CLIP1: variants seen among roughly 807,000 people sequenced by gnomAD.
The protein encoded by CLIP1 is CAP-Gly domain containing linker protein 1.
Under a neutral mutation model 161.6 loss-of-function variants are expected in CLIP1, and 66 were observed. The ratio of observed to expected loss-of-function variants is 0.41; its 90% CI spans 0.33 to 0.50. The LOEUF is 0.50. Among genes scored for constraint, CLIP1 ranks in the 20% least tolerant of loss-of-function variants. The pLI, the probability that CLIP1 is intolerant of heterozygous loss-of-function variation, is 0.27. For synonymous variants in CLIP1, 598 were observed against 626.2 expected (o/e 0.96, Z 0.67); for missense variants, 1,376 against 1,702.0 (o/e 0.81, Z 3.37).
chr12:122,396,754 CTTTTTTGTTGTTGTTTATTTTTT>C (rs1421194141), intron 1 of CLIP1: 1 of 151,254 alleles, frequency 6.6e-6, no homozygotes, highest in African/African-American at 2.4e-5. Flanking sequence ...TTCACCAAGA[CTTTTTTGTTGTTGTTTATTTTTT>C]TTTTTTTGAG....
At chr12:122,356,294 G>A (rs1010256865) in intron 5 of CLIP1, 6 of 152,180 alleles carry the variant, frequency 3.9e-5, no homozygotes, top group African/African-American at 1.4e-4. Flanking sequence ...GTGCACTGTA[G>A]GATGTTTTAA....
chr12:122,418,296 T>C (rs569768014), intron 1 of CLIP1, among the ~76,000 whole-genome samples: 50 of 152,164 alleles, frequency 3.3e-4, no homozygotes, highest in Non-Finnish European at 5.6e-4. Context: ...AGGTATACCA[T>C]AGCTCATCAA....
chr12:122,412,722 C>A (rs1359418358), intron 1 of CLIP1, among the ~76,000 whole-genome samples: 1 of 152,126 alleles, frequency 6.6e-6, no homozygotes, highest in Non-Finnish European at 1.5e-5. Flanking sequence ...GCAGTAGCAT[C>A]ATGGATAATT....
At chr12:122,309,529 T>C (rs1950991368) in intron 20 of CLIP1, among the ~76,000 whole-genome samples, 2 of 152,230 alleles carry the variant, frequency 1.3e-5, no homozygotes, top group African/African-American at 4.8e-5. Context: ...TTCTACTTGC[T>C]TGCAAGTTCC....
At chr12:122,392,316 T>C (rs1217389919) in intron 1 of CLIP1, among the ~76,000 whole-genome samples, 1 of 152,148 alleles carries the variant, frequency 6.6e-6, no homozygotes. Context: ...TGGGTATACA[T>C]ACAGTTCAAG....
intron 3 of CLIP1, among the ~76,000 whole-genome samples, chr12:122,369,961 G>C (rs2340238): frequency 2.0e-5 from 3 of 151,856 alleles, no homozygotes; most frequent in Non-Finnish European, 4.4e-5. Flanking sequence ...ACAGGAATTC[G>C]AGACCAGCCT....
At chr12:122,312,514 A>G (rs1356619710) in intron 19 of CLIP1, among the ~76,000 whole-genome samples, 1 of 152,230 alleles carries the variant, frequency 6.6e-6, no homozygotes, top group Non-Finnish European at 1.5e-5. Context: ...CTGTAATCCC[A>G]GCACTTTGGG....
At chr12:122,333,939 T>C (rs1343602370) in intron 14 of CLIP1, 88 bp downstream of exon 14, 3 of 785,098 alleles carry the variant, frequency 3.8e-6, no homozygotes, top group South Asian at 1.5e-5. Context: ...GCCTGAATAG[T>C]ACATTTGTTA....
At chr12:122,281,172 G>C (rs1411821814) in intron 21 of CLIP1, among the ~76,000 whole-genome samples, 1 of 152,166 alleles carries the variant, frequency 6.6e-6, no homozygotes, top group Non-Finnish European at 1.5e-5. Flanking sequence ...GAAGTAGTAA[G>C]AAAAGAATCT....
intron 20 of CLIP1, among the ~76,000 whole-genome samples, chr12:122,288,786 C>A (rs891013819): frequency 2.0e-5 from 3 of 151,278 alleles, no homozygotes; most frequent in Admixed American, 1.3e-4. Context: ...AACAATCACA[C>A]CTTGAACACA....
intron 11 of CLIP1, among the ~76,000 whole-genome samples, 153 bp from the exon 12 acceptor site, chr12:122,336,901 GA>G (rs1452164388): frequency 1.3e-5 from 2 of 150,784 alleles, no homozygotes; most frequent in African/African-American, 4.9e-5. Context: ...TTAATTCTAA[GA>G]AGTCAATGAC....
Position 122,333,123 on chromosome 12 carries a change from C to T in CLIP1, c.2731G>A (p.Glu911Lys). The T allele has an allele frequency of 6.2e-7, 1 of 1,612,828 alleles. No homozygotes were observed. Among genetic ancestry groups the T allele is most frequent in the South Asian group, 1.1e-5 (1 of 90,914 alleles). ...NLADMEAKFR[E>K]KDEREEQLIK... ...AGCTGCTCTTCTCTCTCATCTTTCT[C>T]TCTAAATTTTGCCTCCATATCTAAA... The change falls in exon 15 of 26, where the codon GAG becomes AAG. Residue 911 changes from glutamate (E) to lysine (K), a missense_variant. Glu to Lys is a moderately conservative substitution (Grantham distance 56). This residue lies in a region of CLIP1 where 948 missense variants were observed against 1,134.8 expected (regional missense o/e 0.84). Transcript: ENST00000620786.
chr12:122,328,422 C>T lies in CLIP1; in HGVS notation c.2872G>A (p.Val958Ile), dbSNP rs148972936. 11 of 1,574,312 alleles carry T rather than the reference C, an allele frequency of 7.0e-6. No individual in the cohort carries two copies. The highest frequency in any genetic ancestry group is 1.4e-5 in the African/African-American group (1 of 73,516). Reference protein sequence around the residue: ...NDELRLKERDVEELQLKLTKA... With the variant: ...NDELRLKERDIEELQLKLTKA... The stretch of plus-strand genomic sequence containing the variant: ...GTAAGTTTTAGCTGTAATTCTTCTA[C>T]ATCTCTAGAAAAAGTTTCAATATAA... Residue 958 changes from valine (V) to isoleucine (I), a missense_variant, in exon 16 of 26, where the codon GTA becomes ATA. By Grantham distance (29) the Val-to-Ile change is conservative. Around this residue, in one of 6 missense-constraint regions of CLIP1, gnomAD observed 948 missense variants for 1,134.8 expected, o/e 0.84. Transcript: ENST00000620786.
chr12:122,289,809 T>G (rs1209023219), intron 20 of CLIP1, among the ~76,000 whole-genome samples: 2 of 150,984 alleles, frequency 1.3e-5, no homozygotes, highest in African/African-American at 4.9e-5. Context: ...GTTAATGTTT[T>G]TTTTTTTTTT....
At chr12:122,412,224 C>A (rs963624624) in intron 1 of CLIP1, among the ~76,000 whole-genome samples, 3 of 151,330 alleles carry the variant, frequency 2.0e-5, no homozygotes, top group Non-Finnish European at 2.9e-5. Flanking sequence ...ACACAACCAT[C>A]CCTGGCTAAC....
At position 122,380,403 on chromosome 12, in the gene CLIP1, T is replaced by A. The variant is rs1954964093; in HGVS notation, c.50A>T (p.Lys17Met). 2 of 1,613,762 alleles carry A rather than the reference T, an allele frequency of 1.2e-6. No homozygotes were observed. The highest frequency in any genetic ancestry group is 1.7e-6 in the Non-Finnish European group (2 of 1,179,888). ...SGLKAPTKIL[K>M]PGSTALKTPT... is the part of the protein sequence containing the mutation. ...TGTCTTCAGAGCTGTGCTTCCAGGC[T>A]TCAGGATCTTGGTGGGGGCCTTAAG... The change falls in exon 2 of 26, where the codon AAG (lysine) becomes ATG (methionine). Residue 17 changes from lysine to methionine, a missense_variant. Lys to Met is a moderately conservative substitution (Grantham distance 95, BLOSUM62 -1). Around this residue, in one of 6 missense-constraint regions of CLIP1, gnomAD observed 66 missense variants for 67.8 expected, o/e 0.97. Coordinates refer to ENST00000620786, the MANE Select transcript of CLIP1 (RefSeq NM_001247997.2).
intron 21 of CLIP1, among the ~76,000 whole-genome samples, chr12:122,286,587 G>C (rs1042921764): frequency 1.4e-5 from 2 of 144,130 alleles, no homozygotes; most frequent in Non-Finnish European, 3.0e-5. Flanking sequence ...CGGCAGTGGT[G>C]AAACACACGC....
intron 17 of CLIP1, among the ~76,000 whole-genome samples, chr12:122,327,438 G>A (rs550015702): frequency 6.6e-6 from 1 of 152,082 alleles, no homozygotes; most frequent in South Asian, 2.1e-4. Flanking sequence ...TACCTTCCTG[G>A]GGACACATAA....
At chr12:122,291,561 A>G (rs1950251370) in intron 20 of CLIP1, among the ~76,000 whole-genome samples, 1 of 152,084 alleles carries the variant, frequency 6.6e-6, no homozygotes, top group Admixed American at 6.6e-5. Context: ...ATTTTCTAGA[A>G]CGTCAGTTTG....
Sources: gnomAD v4.1 joint callset for allele counts (sites outside exome capture counted in the v4.1 genomes callset) on GRCh38, gnomAD v4.1.1 for gene constraint, gnomAD v4.1.1 regional missense constraint, MANE v1.5 for transcripts, NCBI Gene and HGNC (gene_info 2026-07-23, HGNC 2026-07-21) for gene names.